The following REEP1 variants were observed in gnomAD, a reference collection of about 807,000 sequenced individuals.
REEP1 encodes receptor expression-enhancing protein 1.
In REEP1, 22 loss-of-function variants were observed where a neutral mutation model predicts 40.3. That is an observed-to-expected ratio of 0.55 (90% confidence interval 0.39 to 0.78). The LOEUF (loss-of-function observed/expected upper bound fraction) is 0.78. Ranked by LOEUF, REEP1 falls within the 30% of genes least tolerant of loss-of-function variation. REEP1 has a pLI of 0.00. For missense variants in REEP1, 280 were observed against 361.1 expected (o/e 0.78, Z 1.82); for synonymous variants, 116 against 139.2 (o/e 0.83, Z 1.17).
intron 1 of REEP1, among the ~76,000 whole-genome samples, chr2:86,322,508 T>C (rs903571454): frequency 1.3e-5 from 2 of 152,070 alleles, no homozygotes; most frequent in South Asian, 2.1e-4. Flanking sequence ...GCCTCCTGAG[T>C]AGCTGGGACC....
chr2:86,284,741 C>T (rs1678297770), intron 1 of REEP1, among the ~76,000 whole-genome samples: 1 of 152,120 alleles, frequency 6.6e-6, no homozygotes, highest in Admixed American at 6.5e-5. Flanking sequence ...TTGATGGGAT[C>T]CCCGTGAACC....
Position 86,337,460 on chromosome 2 carries a change from G to T in REEP1, c.32+19C>A. 7.9e-7 allele frequency: 1 copy of T among 1,267,084 alleles called. No individual in the cohort carries two copies. The allele number at this position is 1,267,084 out of a possible 1,614,324, so 78.5% of individuals were successfully genotyped here. On this transcript the variant is annotated intron_variant, in intron 1 of 8. Coordinates refer to ENST00000538924, the MANE Select transcript of REEP1 (RefSeq NM_001371279.1). The surrounding 1 kb of genome is among the most constrained non-coding windows in gnomAD (Gnocchi z 5.8). ...GGGGAGGGAGGGGACGGAGGGGCGCGGGGGAGAAGGCCACTTACACCACCA... is the reference window on the plus strand; with the variant it reads ...GGGGAGGGAGGGGACGGAGGGGCGCTGGGGAGAAGGCCACTTACACCACCA...
chr2:86,280,401 G>A (rs1678010022), intron 2 of REEP1, among the ~76,000 whole-genome samples: 1 of 152,294 alleles, frequency 6.6e-6, no homozygotes, highest in East Asian at 1.9e-4. Flanking sequence ...AGTTTAGTCA[G>A]AGCAAAACAA....
At chr2:86,279,908 C>CAAATTACA in intron 2 of REEP1, 1 of 454,648 alleles carries the variant, frequency 2.2e-6, no homozygotes, top group South Asian at 1.6e-5. Flanking sequence ...ACTAAGTTCA[C>CAAATTACA]GGTAATTTGT....
intron 1 of REEP1, among the ~76,000 whole-genome samples, chr2:86,332,860 G>A (rs956315335): frequency 6.6e-6 from 1 of 152,228 alleles, no homozygotes; most frequent in Non-Finnish European, 1.5e-5. Flanking sequence ...GCTGGGGAAG[G>A]AAGGGACCTA....
chr2:86,239,355 C>T (rs1675546268), intron 5 of REEP1, among the ~76,000 whole-genome samples: 3 of 152,106 alleles, frequency 2.0e-5, no homozygotes, highest in African/African-American at 7.2e-5. Flanking sequence ...GAGGGACACA[C>T]CAAGTCACAG....
chr2:86,311,182 GAATTATTAAAAT>G (rs924017602), intron 1 of REEP1, among the ~76,000 whole-genome samples: 104 of 150,918 alleles, frequency 6.9e-4, no homozygotes, highest in African/African-American at 2.5e-3. Flanking sequence ...CTTCTAGATG[GAATTATTAAAAT>G]AATTGTGAGC....
chr2:86,302,322 CTCCAAATGGA>C (rs1396524055), intron 1 of REEP1, among the ~76,000 whole-genome samples: 2 of 152,214 alleles, frequency 1.3e-5, no homozygotes, highest in Non-Finnish European at 2.9e-5. Flanking sequence ...CTGCCGTTTC[CTCCAAATGGA>C]AACAACAGCC....
chr2:86,283,858 C>G (rs546729176), intron 1 of REEP1, among the ~76,000 whole-genome samples: 1 of 152,208 alleles, frequency 6.6e-6, no homozygotes, highest in South Asian at 2.1e-4. Flanking sequence ...TGCTGGAGCC[C>G]AGCCAGGCCA....
chr2:86,297,892 G>C (rs1215532552), intron 1 of REEP1: 2 of 200,078 alleles, frequency 1.0e-5, no homozygotes, highest in Admixed American at 1.3e-4. Flanking sequence ...CCTTTCCCTA[G>C]ATGTGTTTGA....
Position 86,240,587 on chromosome 2 carries a change from C to A in REEP1, c.418-7785G>T, listed in dbSNP as rs1675619637. ...ACCTGGGAAACGGTGAGTGAACCCA[C>A]CTGGGGAGAAGAGGCTTTGGTGCCA... On this transcript the variant is annotated intron_variant, in intron 5 of 8. Coordinates refer to ENST00000538924, the MANE Select transcript of REEP1 (RefSeq NM_001371279.1). Among the ~76,000 whole-genome samples, 2 of 152,156 alleles carry A rather than the reference C, an allele frequency of 1.3e-5. 1 individual carries two copies. Among genetic ancestry groups the A allele is most frequent in the South Asian group, 4.1e-4 (2 of 4,830 alleles).
intron 6 of REEP1, among the ~76,000 whole-genome samples, chr2:86,232,117 G>A (rs1310015331): frequency 6.6e-6 from 1 of 152,186 alleles, no homozygotes; most frequent in Non-Finnish European, 1.5e-5. Flanking sequence ...GGGGTGGTGT[G>A]AGGTACATGA....
chr2:86,291,441 G>C (rs1037327965), intron 1 of REEP1, among the ~76,000 whole-genome samples: 1 of 152,156 alleles, frequency 6.6e-6, no homozygotes, highest in Non-Finnish European at 1.5e-5. Context: ...TTTCACCTTG[G>C]CATGTGATTC....
chr2:86,282,332 T>G, intron 1 of REEP1, 90 bp from the exon 2 acceptor site: 5 of 991,536 alleles, frequency 5.0e-6, no homozygotes, highest in Non-Finnish European at 8.0e-6. Context: ...AGCAACTCTC[T>G]AAGCTACAGA....
chr2:86,325,191 T>G (rs911953139), intron 1 of REEP1, among the ~76,000 whole-genome samples: 1 of 152,188 alleles, frequency 6.6e-6, no homozygotes, highest in African/African-American at 2.4e-5. Context: ...AAGGCTGAAG[T>G]GAGCTGTGAT....
At chr2:86,273,795 A>G (rs571669930) in intron 2 of REEP1, among the ~76,000 whole-genome samples, 42 of 152,250 alleles carry the variant, frequency 2.8e-4, no homozygotes, top group African/African-American at 9.6e-4. Flanking sequence ...TTACAGTACC[A>G]CACACATTCC....
intron 1 of REEP1, among the ~76,000 whole-genome samples, chr2:86,286,210 GC>G (rs1678388400): frequency 6.6e-6 from 1 of 152,198 alleles, no homozygotes; most frequent in African/African-American, 2.4e-5. Context: ...CGAGAAGGGA[GC>G]ATGAGCCTCG....
At chr2:86,259,717 T>G (rs1197075039) in intron 3 of REEP1, among the ~76,000 whole-genome samples, 1 of 151,954 alleles carries the variant, frequency 6.6e-6, no homozygotes, top group East Asian at 1.9e-4. Flanking sequence ...AAAAAAAAAC[T>G]AAATGAAATC....
chr2:86,290,831 C>A (rs1678657285), intron 1 of REEP1, among the ~76,000 whole-genome samples: 1 of 152,190 alleles, frequency 6.6e-6, no homozygotes, highest in African/African-American at 2.4e-5. Flanking sequence ...CATAGCACAG[C>A]AAACCACTTG....
Sources: allele counts gnomAD v4.1 joint callset (sites outside exome capture counted in the v4.1 genomes callset), GRCh38; gene constraint gnomAD v4.1.1; non-coding constraint Gnocchi (gnomAD v3.1); transcripts MANE v1.5; gene names NCBI Gene and HGNC (gene_info 2026-07-23, HGNC 2026-07-21).